AGBL4: variants seen among roughly 807,000 people sequenced by gnomAD.
The protein encoded by AGBL4 is cytosolic carboxypeptidase 6.
A neutral mutation model predicts 66.4 loss-of-function variants in AGBL4; 58 were observed. That is an observed-to-expected ratio of 0.87 (90% CI 0.71 to 1.09). AGBL4 has a LOEUF of 1.09. Among genes scored for constraint, AGBL4 ranks in the 50% least tolerant of loss-of-function variants. The pLI, the probability that AGBL4 is intolerant of heterozygous loss-of-function variation, is 0.00. For synonymous variants in AGBL4, 234 were observed against 222.9 expected (o/e 1.05, Z -0.44); for missense variants, 579 against 631.0 (o/e 0.92, Z 0.88).
At chr1:48,948,326 T>G in intron 5 of AGBL4, among the ~76,000 whole-genome samples, 1 of 152,188 alleles carries the variant, frequency 6.6e-6, no homozygotes, top group Admixed American at 6.5e-5. Context: ...CTTGCTTCCT[T>G]TGCCTTCTCA....
At position 49,867,888 on chromosome 1, in the gene AGBL4, T is replaced by G. The variant is rs1332958311; in HGVS notation, c.35-16370A>C. 2.6e-5 allele frequency among the ~76,000 whole-genome samples: 4 copies of G among 152,286 alleles called. No individual in the cohort carries two copies. The East Asian group carries it at 7.7e-4, about 29-fold the overall frequency. On this transcript the variant is annotated intron_variant, in intron 1 of 13. Coordinates refer to ENST00000371839, the MANE Select transcript of AGBL4 (RefSeq NM_032785.4). ...CACATAGCAATATTAACCTTAAATG[T>G]AAGTGGGCTAAATGCCCCAATTAAA...
At chr1:49,355,493 C>G (rs1188861538) in intron 3 of AGBL4, among the ~76,000 whole-genome samples, 1 of 152,190 alleles carries the variant, frequency 6.6e-6, no homozygotes, top group Non-Finnish European at 1.5e-5. Flanking sequence ...ACAAACCTAA[C>G]TGCTCTCCTT....
intron 11 of AGBL4, among the ~76,000 whole-genome samples, chr1:48,558,444 G>A (rs561984986): frequency 6.6e-6 from 1 of 152,316 alleles, no homozygotes; most frequent in East Asian, 1.9e-4. Flanking sequence ...CTCAGGAGGA[G>A]CTGACTCCAC....
At chr1:49,243,869 A>G (rs919501331) in intron 4 of AGBL4, among the ~76,000 whole-genome samples, 10 of 151,792 alleles carry the variant, frequency 6.6e-5, no homozygotes, top group African/African-American at 2.4e-4. Context: ...AACTACAACA[A>G]ACTCAATTCT....
intron 3 of AGBL4, among the ~76,000 whole-genome samples, chr1:49,432,285 T>C (rs1231437204): frequency 6.6e-6 from 1 of 152,198 alleles, no homozygotes; most frequent in Admixed American, 6.6e-5. Context: ...ACATATAGCT[T>C]AGCAGGTATA....
intron 1 of AGBL4, among the ~76,000 whole-genome samples, chr1:49,948,292 AT>A (rs1374252530): frequency 9.1e-6 from 1 of 110,256 alleles, no homozygotes; most frequent in Non-Finnish European, 1.6e-5. Flanking sequence ...ATATAAATAT[AT>A]AAAAATATAT....
At chr1:48,526,605 A>C in the AGBL4 span, among the ~76,000 whole-genome samples, 31 of 152,182 alleles carry the variant, frequency 2.0e-4, no homozygotes, top group Non-Finnish European at 4.1e-4. Context: ...GTAGCATTAG[A>C]TTAGCAGTAC....
At chr1:48,934,202 A>T (rs1655267849) in intron 5 of AGBL4, among the ~76,000 whole-genome samples, 1 of 152,178 alleles carries the variant, frequency 6.6e-6, no homozygotes, top group South Asian at 2.1e-4. Context: ...TGAGAGACTT[A>T]GCTTTCTGAA....
intron 4 of AGBL4, among the ~76,000 whole-genome samples, chr1:49,199,676 G>A (rs1282009269): frequency 6.6e-6 from 1 of 152,052 alleles, no homozygotes; most frequent in Non-Finnish European, 1.5e-5. Flanking sequence ...CACCATAATT[G>A]GCTTTTAGAA....
chr1:49,874,392 T>A (rs778294005), intron 1 of AGBL4, among the ~76,000 whole-genome samples: 2 of 152,058 alleles, frequency 1.3e-5, no homozygotes, highest in Admixed American at 1.3e-4. Flanking sequence ...ATGTTACACA[T>A]CTTGATTATA....
intron 1 of AGBL4, among the ~76,000 whole-genome samples, chr1:50,013,994 A>T (rs1401067488): frequency 6.6e-6 from 1 of 152,194 alleles, no homozygotes; most frequent in Non-Finnish European, 1.5e-5. Flanking sequence ...GGTAGAGTTG[A>T]ATGTTTTAAA....
At chr1:49,361,666 T>C (rs1179533144) in intron 3 of AGBL4, among the ~76,000 whole-genome samples, 1 of 152,204 alleles carries the variant, frequency 6.6e-6, no homozygotes, top group Non-Finnish European at 1.5e-5. Flanking sequence ...TAAAGCACTT[T>C]CAAATGTGCT....
At chr1:49,257,124 T>C (rs1462384154) in intron 3 of AGBL4, among the ~76,000 whole-genome samples, 2 of 150,982 alleles carry the variant, frequency 1.3e-5, no homozygotes, top group East Asian at 1.9e-4. Context: ...AAAAATACTA[T>C]GCAAAACGAT....
chr1:49,901,949 T>C (rs982871805), intron 1 of AGBL4, among the ~76,000 whole-genome samples: 1 of 152,188 alleles, frequency 6.6e-6, no homozygotes, highest in African/African-American at 2.4e-5. Context: ...AAGGACTCCC[T>C]TTTCAATAAG....
At chr1:48,802,125 G>A (rs769304964) in intron 6 of AGBL4, among the ~76,000 whole-genome samples, 11 of 152,040 alleles carry the variant, frequency 7.2e-5, no homozygotes, top group African/African-American at 1.7e-4. Context: ...TCCAGATCTC[G>A]TCTCCCTGCT....
intron 6 of AGBL4, among the ~76,000 whole-genome samples, chr1:48,722,902 G>A (rs532527984): frequency 6.6e-6 from 1 of 152,240 alleles, no homozygotes; most frequent in East Asian, 1.9e-4. Context: ...CTAAGATACC[G>A]AATGCCTAGA....
At chr1:49,608,762 A>G (rs1252378889) in intron 3 of AGBL4, among the ~76,000 whole-genome samples, 1 of 152,174 alleles carries the variant, frequency 6.6e-6, no homozygotes, top group Non-Finnish European at 1.5e-5. Flanking sequence ...ACTAAAAAAA[A>G]GAGGGTTCTT....
intron 6 of AGBL4, among the ~76,000 whole-genome samples, chr1:48,730,974 A>G (rs1487908930): frequency 6.6e-6 from 1 of 152,228 alleles, no homozygotes; most frequent in Non-Finnish European, 1.5e-5. Flanking sequence ...TTTCCAAAGC[A>G]GCGTCAATGT....
At chr1:48,643,108 T>C (rs1295623433) in intron 8 of AGBL4, among the ~76,000 whole-genome samples, 1 of 152,226 alleles carries the variant, frequency 6.6e-6, no homozygotes, top group East Asian at 1.9e-4. Flanking sequence ...GTGCTACACA[T>C]GTTAGCTGTT....
Sources: allele counts gnomAD v4.1 joint callset (sites outside exome capture counted in the v4.1 genomes callset), GRCh38; gene constraint gnomAD v4.1.1; transcripts MANE v1.5; gene names NCBI Gene and HGNC (gene_info 2026-07-23, HGNC 2026-07-21).